OR1L6: variants seen among roughly 807,000 people sequenced by gnomAD.
OR1L6 encodes the protein olfactory receptor family 1 subfamily L member 6.
A neutral mutation model predicts 3.0 loss-of-function variants in OR1L6; 2 were observed. The ratio of observed to expected loss-of-function variants is 0.68; its 90% confidence interval spans 0.28 to 2.13. The LOEUF (loss-of-function observed/expected upper bound fraction) is 2.13. Ranked by LOEUF, OR1L6 falls within the 30% of genes most tolerant of loss-of-function variation. OR1L6 has a pLI of 0.14. For synonymous variants in OR1L6, 121 were observed against 148.4 expected (o/e 0.82, Z 1.34); for missense variants, 304 against 378.4 (o/e 0.80, Z 1.63).
chr9:122,750,095 T>C lies in OR1L6; in HGVS notation c.248T>C (p.Leu83Pro). 6.2e-7 allele frequency: 1 copy of C among 1,614,096 alleles called. No homozygotes were observed. The highest frequency in any genetic ancestry group is 8.5e-7 in the Non-Finnish European group (1 of 1,179,986). ...ACAACAGTCATAGTGCCTAAGATGCTGGTGAATTTTCTATCAGAGACAAAG... is the reference window on the plus strand; with the variant it reads ...ACAACAGTCATAGTGCCTAAGATGCCGGTGAATTTTCTATCAGAGACAAAG... The part of the protein sequence containing the change: ...CFTTVIVPKM[L>P]VNFLSETKVI... Residue 83 changes from leucine (L) to proline (P), a missense_variant, in exon 2 of 2, where the codon CTG becomes CCG. Physicochemically the swap from Leu to Pro is moderately conservative, Grantham distance 98. Around this residue, in one of 3 missense-constraint regions of OR1L6, gnomAD observed 192 missense variants for 242.7 expected, o/e 0.79. Coordinates refer to ENST00000304720, the MANE Select transcript of OR1L6 (RefSeq NM_001004453.3).
Position 122,750,664 on chromosome 9 carries a change from C to G in OR1L6, c.817C>G (p.Arg273Gly). Reference sequence around the variant, plus strand: ...GTCCATGTACTCAGTGGTTAGGGACCGGGTAGCCACAGTTATGTACACAGT... The same window carrying G: ...GTCCATGTACTCAGTGGTTAGGGACGGGGTAGCCACAGTTATGTACACAGT... The part of the protein sequence containing the change: ...PLSMYSVVRD[R>G]VATVMYTVVT... The change falls in exon 2 of 2, where the codon CGG becomes GGG. Residue 273 changes from arginine (R) to glycine (G), a missense_variant. Arg to Gly is a moderately radical substitution (Grantham distance 125). Transcript: ENST00000304720. 6.2e-7 allele frequency: 1 copy of G among 1,614,002 alleles called. No individual in the cohort carries two copies. The highest frequency in any genetic ancestry group is 8.5e-7 in the Non-Finnish European group (1 of 1,180,020).
intron 1 of OR1L6, among the ~76,000 whole-genome samples, chr9:122,747,344 T>G (rs1292583598): frequency 6.6e-6 from 1 of 152,084 alleles, no homozygotes; most frequent in African/African-American, 2.4e-5. Flanking sequence ...TTTTTCACTA[T>G]TATGTAATTT....
rs756312217 is a variant in OR1L6 at position 122,750,121 on chromosome 9, G to A, written c.274G>A (p.Val92Ile). 37 of 1,613,782 alleles carry A rather than the reference G, an allele frequency of 2.3e-5. No homozygotes were observed. In the East Asian group the frequency reaches 5.6e-4, roughly 24 times the overall value. ...GGTGAATTTTCTATCAGAGACAAAG[G>A]TTATCTCCTATGTGGGCTGCCTGGC... ...MLVNFLSETK[V>I]ISYVGCLAQM... The change falls in exon 2 of 2, where the codon GTT (valine) becomes ATT (isoleucine). Residue 92 changes from valine to isoleucine, a missense_variant. This residue lies in a region of OR1L6 where 192 missense variants were observed against 242.7 expected (regional missense o/e 0.79). Coordinates refer to ENST00000304720, the MANE Select transcript of OR1L6 (RefSeq NM_001004453.3).
rs971217818 is a variant in OR1L6, at chr9:122,745,781, A to G, written c.-14+3408A>G. 3.9e-5 allele frequency among the ~76,000 whole-genome samples: 6 copies of G among 152,068 alleles called. No individual in the cohort carries two copies. In the East Asian group the frequency reaches 7.7e-4, roughly 20 times the overall value. ...AAGTATGAAAATTCAGAAGGTAACCACATTACACATAAACACTTTTTAAGG... is the reference window on the plus strand; with the variant it reads ...AAGTATGAAAATTCAGAAGGTAACCGCATTACACATAAACACTTTTTAAGG... On this transcript the variant is annotated intron_variant, in intron 1 of 1. Transcript: ENST00000304720.
At chr9:122,745,867 T>C (rs1448400517) in intron 1 of OR1L6, among the ~76,000 whole-genome samples, 4 of 152,146 alleles carry the variant, frequency 2.6e-5, no homozygotes, top group Non-Finnish European at 5.9e-5. Context: ...AAAATGAGAT[T>C]ATTCTTTTTT....
At chr9:122,749,599 T>G in intron 1 of OR1L6, 1 of 540,404 alleles carries the variant, frequency 1.9e-6, no homozygotes, top group Non-Finnish European at 3.3e-6. Flanking sequence ...TCCCAGCTAC[T>G]CGGGAGGCTG....
intron 1 of OR1L6, among the ~76,000 whole-genome samples, chr9:122,744,077 G>A (rs1828812137): frequency 6.6e-6 from 1 of 152,196 alleles, no homozygotes; most frequent in African/African-American, 2.4e-5. Flanking sequence ...CTCCTTCGTT[G>A]TAAAGGGCAA....
At chr9:122,749,711 G>GAAA in intron 1 of OR1L6, 124 bp from the exon 2 acceptor site, 2 of 836,266 alleles carry the variant, frequency 2.4e-6, no homozygotes, top group Non-Finnish European at 3.8e-6. Context: ...CCGTCTCAAA[G>GAAA]AAAAAAAAAA....
rs764446886 is a variant in OR1L6, at chr9:122,750,196, G to A, written c.349G>A (p.Ala117Thr). The change falls in exon 2 of 2, where the codon GCC (alanine) becomes ACC (threonine). Residue 117 changes from alanine to threonine, a missense_variant. This residue lies in a region of OR1L6 where 192 missense variants were observed against 242.7 expected (regional missense o/e 0.79). Coordinates refer to ENST00000304720, the MANE Select transcript of OR1L6 (RefSeq NM_001004453.3). ...TGGGAACACTGACAGCTACCTGCTGGCCTCTATGGCCATCGACCGGCTGGT... is the reference window on the plus strand; with the variant it reads ...TGGGAACACTGACAGCTACCTGCTGACCTCTATGGCCATCGACCGGCTGGT... The part of the protein sequence containing the change: ...AFGNTDSYLL[A>T]SMAIDRLVAI... 3.1e-6 allele frequency: 5 copies of A among 1,613,950 alleles called. No homozygotes were observed. Among genetic ancestry groups the A allele is most frequent in the Middle Eastern group, 1.6e-4 (1 of 6,062 alleles).
At chr9:122,748,808 T>G (rs1828861096) in intron 1 of OR1L6, among the ~76,000 whole-genome samples, 1 of 152,160 alleles carries the variant, frequency 6.6e-6, no homozygotes, top group South Asian at 2.1e-4. Flanking sequence ...GATTTTATAT[T>G]TTTTTATTTG....
chr9:122,746,939 G>A (rs1775428502), intron 1 of OR1L6, among the ~76,000 whole-genome samples: 1 of 151,882 alleles, frequency 6.6e-6, no homozygotes. Flanking sequence ...TTTTTAAGTG[G>A]GTTATTTTGT....
intron 1 of OR1L6, among the ~76,000 whole-genome samples, chr9:122,745,558 G>A (rs930985491): frequency 3.3e-5 from 5 of 151,378 alleles, no homozygotes; most frequent in Admixed American, 3.3e-4. Flanking sequence ...GACTGCAGGC[G>A]CCCACCACAA....
At chr9:122,745,301 A>G (rs942103014) in intron 1 of OR1L6, among the ~76,000 whole-genome samples, 1 of 152,084 alleles carries the variant, frequency 6.6e-6, no homozygotes, top group African/African-American at 2.4e-5. Flanking sequence ...TATGCAGTGT[A>G]TATAGATCTA....
intron 1 of OR1L6, among the ~76,000 whole-genome samples, chr9:122,748,947 G>T (rs1828862176): frequency 6.6e-6 from 1 of 152,154 alleles, no homozygotes; most frequent in Admixed American, 6.5e-5. Flanking sequence ...GTGTGTGTGT[G>T]TGTGTACACG....
In OR1L6 at chr9:122,749,816, T is replaced by G. The variant is rs973470145; in HGVS notation, c.-13-19T>G. 1.2e-6 allele frequency: 2 copies of G among 1,611,434 alleles called. No individual in the cohort carries two copies. Among genetic ancestry groups the G allele is most frequent in the African/African-American group, 2.7e-5 (2 of 74,874 alleles). ...CTGCCCTTTACATCTCTCCCACTGC[T>G]TCTCCAAACCCTATCCAGGAAGTCC... On this transcript the variant is annotated intron_variant, in intron 1 of 1. Coordinates refer to ENST00000304720, the MANE Select transcript of OR1L6 (RefSeq NM_001004453.3).
chr9:122,743,682 G>C (rs1459493388), intron 1 of OR1L6, among the ~76,000 whole-genome samples: 1 of 152,162 alleles, frequency 6.6e-6, no homozygotes, highest in Non-Finnish European at 1.5e-5. Context: ...CAAAATCAGA[G>C]GGCTGTTGTT....
rs1433563931 is a variant in OR1L6, at chr9:122,750,114, G to A, written c.267G>A (p.Glu89=). ...AGATGCTGGTGAATTTTCTATCAGA[G>A]ACAAAGGTTATCTCCTATGTGGGCT... ...VPKMLVNFLS[E]TKVISYVGCL... is the part of the protein sequence containing the mutation. The change falls in exon 2 of 2, where the codon GAG becomes GAA. Residue 89 remains glutamate (E), a synonymous_variant. Transcript: ENST00000304720. 1 of 1,613,964 alleles carries A rather than the reference G, an allele frequency of 6.2e-7. No homozygotes were observed.
rs1247082957 is a variant in OR1L6, at chr9:122,749,875, A to G, written c.28A>G (p.Thr10Ala). MEIKNYSSS[T>A]SGFILLGLSS... ...GGAGATAAAGAACTACAGCAGCAGC[A>G]CCTCAGGCTTCATCCTCCTGGGCCT... Residue 10 changes from threonine to alanine, a missense_variant, in exon 2 of 2, where the codon ACC becomes GCC. Around this residue, in one of 3 missense-constraint regions of OR1L6, gnomAD observed 192 missense variants for 242.7 expected, o/e 0.79. Transcript: ENST00000304720. The G allele has an allele frequency of 1.2e-6, 2 of 1,614,130 alleles. No homozygotes were observed. Among genetic ancestry groups the G allele is most frequent in the South Asian group, 2.2e-5 (2 of 91,082 alleles).
chr9:122,743,328 G>C (rs1219193201), intron 1 of OR1L6, among the ~76,000 whole-genome samples: 1 of 152,190 alleles, frequency 6.6e-6, no homozygotes, highest in Non-Finnish European at 1.5e-5. Flanking sequence ...TTCAATTATT[G>C]ATCTGAGGGA....
Sources: allele counts gnomAD v4.1 joint callset (sites outside exome capture counted in the v4.1 genomes callset), GRCh38; gene constraint gnomAD v4.1.1; regional missense constraint gnomAD v4.1.1; transcripts MANE v1.5; gene names NCBI Gene and HGNC (gene_info 2026-07-23, HGNC 2026-07-21).